UBE2O: variants seen among roughly 807,000 people sequenced by gnomAD.
The protein encoded by UBE2O is (E3-independent) E2 ubiquitin-conjugating enzyme.
A neutral mutation model predicts 125.8 loss-of-function variants in UBE2O; 15 were observed. That is an observed-to-expected ratio of 0.12 (90% CI 0.08 to 0.18). The LOEUF is 0.18. UBE2O is among the 10% of genes least tolerant of loss of function. The probability of loss-of-function intolerance (pLI) is 1.00; values close to 1 mark genes in which losing one functional copy is unlikely to be tolerated. For synonymous variants in UBE2O, 708 were observed against 703.2 expected, an observed-to-expected ratio of 1.01 and a Z score of -0.11; for missense variants, 1,280 against 1,723.6, an observed-to-expected ratio of 0.74 and a Z score of 4.56.
At chr17:76,424,641 A>G (rs2072774441) in intron 1 of UBE2O, among the ~76,000 whole-genome samples, 1 of 152,024 alleles carries the variant, frequency 6.6e-6, no homozygotes, top group Non-Finnish European at 1.5e-5. Flanking sequence ...TTGGGAAGCC[A>G]AGGTGGGAGG....
chr17:76,418,703 G>A (rs2072656854), intron 1 of UBE2O, among the ~76,000 whole-genome samples: 1 of 151,890 alleles, frequency 6.6e-6, no homozygotes, highest in African/African-American at 2.4e-5. Flanking sequence ...CTGAGTAGCT[G>A]GGACTACAGG....
chr17:76,392,216 G>A (rs759222483), intron 15 of UBE2O, 103 bp from the exon 16 acceptor site: 5 of 683,142 alleles, frequency 7.3e-6, no homozygotes, highest in Non-Finnish European at 1.2e-5. Context: ...AGGACACTGT[G>A]CAGATCACGC....
At chr17:76,425,767 A>G (rs980415081) in intron 1 of UBE2O, among the ~76,000 whole-genome samples, 2 of 152,240 alleles carry the variant, frequency 1.3e-5, no homozygotes, top group South Asian at 2.1e-4. Flanking sequence ...ACTTTTCTAA[A>G]TATCTTCAAA....
chr17:76,427,495 C>T (rs1446772132), intron 1 of UBE2O, among the ~76,000 whole-genome samples: 2 of 152,102 alleles, frequency 1.3e-5, no homozygotes, highest in Non-Finnish European at 1.5e-5. Flanking sequence ...TTGTTGTGAT[C>T]GCTGACTCAT....
chr17:76,430,302 T>C (rs1223463852), intron 1 of UBE2O: 1 of 152,544 alleles, frequency 6.6e-6, no homozygotes, highest in Non-Finnish European at 1.5e-5. Context: ...TAAATGAATA[T>C]GTTCAATCTA....
chr17:76,419,965 C>T (rs1462062020), intron 1 of UBE2O, among the ~76,000 whole-genome samples: 1 of 152,158 alleles, frequency 6.6e-6, no homozygotes, highest in Non-Finnish European at 1.5e-5. Flanking sequence ...GCTCCCTGCC[C>T]CTCCTTCATC....
At position 76,391,151 on chromosome 17, in the gene UBE2O, G is replaced by A. The variant is rs771187543; in HGVS notation, c.3671C>T (p.Pro1224Leu). 1.4e-5 allele frequency: 23 copies of A among 1,613,746 alleles called. No homozygotes were observed. Among genetic ancestry groups the A allele is most frequent in the Admixed American group, 3.3e-5 (2 of 59,976 alleles). ...CACACTGGGTGGCACCGATGCGTCT[G>A]GTGCGGTCTCCGAAGTCTGGTCTGT... ...DHTDQTSETA[P>L]DASVPPSVKP... Residue 1224 changes from proline to leucine, a missense_variant, in exon 18 of 18, where the codon CCA (proline) becomes CTA (leucine). This residue lies in a region of UBE2O where 233 missense variants were observed against 279.0 expected (regional missense o/e 0.84). Coordinates refer to ENST00000319380, the MANE Select transcript of UBE2O (RefSeq NM_022066.4). The surrounding 1 kb of genome is among the most constrained non-coding windows in gnomAD (Gnocchi z 8.4).
At position 76,410,282 on chromosome 17, in the gene UBE2O, C is replaced by G. The variant is rs2072493784; in HGVS notation, c.418-4710G>C. Among the ~76,000 whole-genome samples, 1 of 151,986 alleles carries G rather than the reference C, an allele frequency of 6.6e-6. No individual in the cohort carries two copies. Among genetic ancestry groups the G allele is most frequent in the Non-Finnish European group, 1.5e-5 (1 of 67,992 alleles). The stretch of plus-strand genomic sequence containing the variant: ...CGTGCTGAGAGAGGGAGCACGGAGG[C>G]TGGTTAGCCCAGTGGTTCTCACCTA... On this transcript the variant is annotated intron_variant, in intron 1 of 17. Coordinates refer to ENST00000319380, the MANE Select transcript of UBE2O (RefSeq NM_022066.4). The surrounding 1 kb of genome is among the most constrained non-coding windows in gnomAD (Gnocchi z 4.0).
At chr17:76,416,453 A>C (rs568242248) in intron 1 of UBE2O, among the ~76,000 whole-genome samples, 20 of 152,170 alleles carry the variant, frequency 1.3e-4, no homozygotes, top group African/African-American at 4.8e-4. Context: ...GCTTCTGGGA[A>C]AATTTGGGGG....
intron 1 of UBE2O, among the ~76,000 whole-genome samples, chr17:76,419,830 C>T (rs544634783): frequency 6.6e-6 from 1 of 152,198 alleles, no homozygotes; most frequent in Non-Finnish European, 1.5e-5. Context: ...TAGAAGGGAG[C>T]GAGCTGGTGT....
rs1441922904 is a variant in UBE2O, at chr17:76,396,598, G to A, written c.2339C>T (p.Ala780Val). ...AGCCCCCTGGACGGCAGCTGTGGCT[G>A]CCTCTTCACTGATCACCACTCCCTT... ...EDKGVVISEE[A>V]ATAAVQGAVA... is the part of the protein sequence containing the mutation. Residue 780 changes from alanine to valine, a missense_variant, in exon 14 of 18, where the codon GCA (alanine) becomes GTA (valine). By Grantham distance (64) the Ala-to-Val change is moderately conservative (BLOSUM62 0). Transcript: ENST00000319380. The surrounding 1 kb of genome is among the most constrained non-coding windows in gnomAD (Gnocchi z 6.7). 4 of 1,607,666 alleles carry A rather than the reference G, an allele frequency of 2.5e-6. No individual in the cohort carries two copies. The highest frequency in any genetic ancestry group is 2.2e-5 in the South Asian group (2 of 90,398).
At chr17:76,439,099 T>C (rs1301684352) in intron 1 of UBE2O, among the ~76,000 whole-genome samples, 2 of 152,174 alleles carry the variant, frequency 1.3e-5, no homozygotes, top group South Asian at 2.1e-4. Context: ...ATGACACCAG[T>C]GGCCTTTCCA....
chr17:76,436,104 A>G (rs767821931), intron 1 of UBE2O, among the ~76,000 whole-genome samples: 14 of 152,174 alleles, frequency 9.2e-5, no homozygotes, highest in Admixed American at 7.2e-4. Context: ...AACATTAGCC[A>G]GGCATGGTGG....
At chr17:76,435,327 C>T (rs2072972672) in intron 1 of UBE2O, among the ~76,000 whole-genome samples, 1 of 151,794 alleles carries the variant, frequency 6.6e-6, no homozygotes, top group African/African-American at 2.4e-5. Flanking sequence ...GGGAGACAAA[C>T]ATTTCACTAC....
rs929077682 is a variant in UBE2O at position 76,452,017 on chromosome 17, C to T, written c.417+708G>A. Among the ~76,000 whole-genome samples, 1 of 152,034 alleles carries T rather than the reference C, an allele frequency of 6.6e-6. No individual in the cohort carries two copies. Among genetic ancestry groups the T allele is most frequent in the Non-Finnish European group, 1.5e-5 (1 of 68,028 alleles). On this transcript the variant is annotated intron_variant, in intron 1 of 17. Transcript: ENST00000319380. This position sits in a 1 kb window ranked among gnomAD's most constrained non-coding sequence, Gnocchi z 4.4. ...TCCAAATTGGTGACTCCCCTCTACC[C>T]AGGGTTCTGGATTATTTTTTTCAAG...
intron 1 of UBE2O, among the ~76,000 whole-genome samples, chr17:76,434,794 T>TTTA (rs768934042): frequency 7.5e-6 from 1 of 133,726 alleles, no homozygotes; most frequent in African/African-American, 2.7e-5. Context: ...TTTTTTTTTT[T>TTTA]AAAAAAACAA....
chr17:76,414,059 C>T (rs2143769933), intron 1 of UBE2O, among the ~76,000 whole-genome samples: 1 of 152,274 alleles, frequency 6.6e-6, no homozygotes, highest in South Asian at 2.1e-4. Flanking sequence ...CCCTGATAAC[C>T]CGGCAATCAG....
In UBE2O at chr17:76,399,982, G is replaced by A; in HGVS notation, c.1156-61C>T. The A allele has an allele frequency of 2.6e-6, 4 of 1,541,824 alleles. No homozygotes were observed. Among genetic ancestry groups the A allele is most frequent in the Admixed American group, 1.9e-5 (1 of 51,818 alleles). ...GTGCACCTGGGCAGGCCTGGCCCTA[G>A]GCATCTCAGGCTGGGGGGATGACAG... On this transcript the variant is annotated intron_variant, in intron 8 of 17. Transcript: ENST00000319380. This position sits in a 1 kb window ranked among gnomAD's most constrained non-coding sequence, Gnocchi z 6.9.
At chr17:76,416,220 A>ATATGTATATGTGTATATGTGTATATG (rs2072614820) in intron 1 of UBE2O, among the ~76,000 whole-genome samples, 2 of 151,872 alleles carry the variant, frequency 1.3e-5, no homozygotes, top group African/African-American at 4.8e-5. Context: ...ATATGTATGT[A>ATATGTATATGTGTATATGTGTATATG]TATGTATATG....
Sources: gnomAD v4.1 joint callset for allele counts (sites outside exome capture counted in the v4.1 genomes callset) on GRCh38, gnomAD v4.1.1 for gene constraint, gnomAD v4.1.1 regional missense constraint, Gnocchi (gnomAD v3.1) non-coding constraint, MANE v1.5 for transcripts, NCBI Gene and HGNC (gene_info 2026-07-23, HGNC 2026-07-21) for gene names.